GLOD4: variants seen among roughly 807,000 people sequenced by gnomAD.
GLOD4 encodes glyoxalase domain containing 4, also known as glyoxalase domain-containing protein 4.
In GLOD4, 44 loss-of-function variants were observed where a neutral mutation model predicts 39.1. That is an observed-to-expected ratio of 1.13 (90% CI 0.88 to 1.45). The LOEUF is 1.45. Among genes scored for constraint, GLOD4 ranks in the 40% most tolerant of loss-of-function variants. The probability of loss-of-function intolerance (pLI) is 0.00; values close to 1 mark genes in which losing one functional copy is unlikely to be tolerated. For synonymous variants in GLOD4, 145 were observed against 135.0 expected, an observed-to-expected ratio of 1.07 and a Z score of -0.52; for missense variants, 405 against 366.4, an observed-to-expected ratio of 1.11 and a Z score of -0.86.
upstream of GLOD4, chr17:782,797 G>A: frequency 3.2e-6 from 4 of 1,251,386 alleles, no homozygotes. Flanking sequence ...ACAGCCCGCT[G>A]GTTTTTGTAT....
At chr17:783,377 C>T, upstream of GLOD4, 2 of 1,523,156 alleles carry the variant, frequency 1.3e-6, no homozygotes, top group Non-Finnish European at 1.8e-6. Flanking sequence ...TGTTCTGTCA[C>T]CCAGGCTGGA....
chr17:782,735 C>G (rs764279864), upstream of GLOD4: 4 of 1,550,328 alleles, frequency 2.6e-6, no homozygotes, highest in African/African-American at 1.4e-5. Context: ...CGTTTCCCTT[C>G]CCGTCGCACA....
At chr17:774,797 G>A (rs966707246) in intron 4 of GLOD4, among the ~76,000 whole-genome samples, 5 of 152,172 alleles carry the variant, frequency 3.3e-5, no homozygotes, top group African/African-American at 1.2e-4. Flanking sequence ...GGCCGGGCAC[G>A]GTGGTTCACG....
intron 8 of GLOD4, among the ~76,000 whole-genome samples, chr17:767,887 G>A (rs1295564399): frequency 1.2e-4 from 17 of 137,080 alleles, no homozygotes; most frequent in Non-Finnish European, 1.8e-4. Context: ...TGGAGAGGAC[G>A]TAAGAGAGAG....
At position 771,374 on chromosome 17, in the gene GLOD4, T is replaced by A. The variant is rs199536427; in HGVS notation, c.494A>T (p.Glu165Val). Residue 165 changes from glutamate to valine, a missense_variant, in exon 5 of 9, where the codon GAA becomes GTA. Transcript: ENST00000301329. The part of the protein sequence containing the change: ...WCNLLGMKIY[E>V]KDEEKQRALL... ...AGCCCTTTGCTTTTCTTCATCTTTTTCATAAATTTTCATTCCCAGTAGATT... is the reference window on the plus strand; with the variant it reads ...AGCCCTTTGCTTTTCTTCATCTTTTACATAAATTTTCATTCCCAGTAGATT... 1 of 1,599,138 alleles carries A rather than the reference T, an allele frequency of 6.3e-7. No individual in the cohort carries two copies. The highest frequency in any genetic ancestry group is 1.3e-5 in the African/African-American group (1 of 74,640).
rs1905121033 is a variant in GLOD4 at position 759,345 on chromosome 17, A to G, written c.*828T>C. 6.6e-6 allele frequency: 1 copy of G among 152,226 alleles called. No homozygotes were observed. Among genetic ancestry groups the G allele is most frequent in the African/African-American group, 2.4e-5 (1 of 41,448 alleles). 9.4% of individuals were successfully genotyped at this position (152,226 alleles called of 1,614,324 possible). A position where few individuals can be genotyped will look rare whatever the true frequency, so the allele number is the denominator to read the frequency against. On this transcript the variant is annotated 3_prime_UTR_variant, in exon 9 of 9. Coordinates refer to ENST00000301329, the MANE Select transcript of GLOD4 (RefSeq NM_016080.4). Reference sequence around the variant, plus strand: ...TTTCAGAAGCTTACTTTCAAAAAAAATTTATTCAATGAATACACAATATAA... The same window carrying G: ...TTTCAGAAGCTTACTTTCAAAAAAAGTTTATTCAATGAATACACAATATAA...
intron 4 of GLOD4, among the ~76,000 whole-genome samples, chr17:772,008 T>A (rs1194046098): frequency 3.8e-5 from 4 of 104,946 alleles, no homozygotes; most frequent in East Asian, 5.5e-4. Flanking sequence ...AGCAAAACTC[T>A]GTCTCAAAAA....
chr17:781,818 A>C, intron 1 of GLOD4: 1 of 256,284 alleles, frequency 3.9e-6, no homozygotes, highest in East Asian at 8.1e-5. Flanking sequence ...CCAAACCGGA[A>C]AACACAAATA....
chr17:780,033 G>A (rs1567796191), intron 1 of GLOD4, among the ~76,000 whole-genome samples: 1 of 152,116 alleles, frequency 6.6e-6, no homozygotes, highest in Non-Finnish European at 1.5e-5. Context: ...GCGTGGTGGC[G>A]GGCGCCTGTA....
chr17:778,571 T>A (rs958320089), intron 2 of GLOD4, 124 bp downstream of exon 2: 4 of 735,108 alleles, frequency 5.4e-6, no homozygotes, highest in African/African-American at 3.5e-5. Context: ...CTCCTGAAGT[T>A]GCCTCCCTAA....
At chr17:783,017 C>G, upstream of GLOD4, 3 of 1,544,710 alleles carry the variant, frequency 1.9e-6, no homozygotes, top group South Asian at 2.5e-5. Context: ...TCTGTTACAA[C>G]TAAGCGTGTC....
intron 4 of GLOD4, among the ~76,000 whole-genome samples, chr17:773,769 C>G (rs1290377357): frequency 6.6e-6 from 1 of 152,174 alleles, no homozygotes; most frequent in Non-Finnish European, 1.5e-5. Flanking sequence ...AGTGCCTCCG[C>G]CTGGCAGGCT....
rs111686750 is a variant in GLOD4 at position 773,823 on chromosome 17, T to C, written c.406+1952A>G. ...TTACTTCAAAATCAACAAATCCCAG[T>C]TGACTTGGAGCCTGAAGGGACGCAG... On this transcript the variant is annotated intron_variant, in intron 4 of 8. Transcript: ENST00000301329. Among the ~76,000 whole-genome samples the C allele has an allele frequency of 1.4e-3, 219 of 152,266 alleles. 1 individual carries two copies. The highest frequency in any genetic ancestry group is 4.8e-3 in the African/African-American group (200 of 41,552).
upstream of GLOD4, among the ~76,000 whole-genome samples, chr17:784,330 G>T (rs2144517523): frequency 6.6e-6 from 1 of 152,264 alleles, no homozygotes; most frequent in Admixed American, 6.5e-5. Context: ...CCTAGGATGG[G>T]GACTTGGATT....
At chr17:783,181 G>A (rs1481715600), upstream of GLOD4, 3 of 1,614,094 alleles carry the variant, frequency 1.9e-6, no homozygotes, top group South Asian at 3.3e-5. Flanking sequence ...CTCAAGGCTG[G>A]AGCTGTGCCA....
In GLOD4 at chr17:775,784, G is replaced by A. The variant is rs766612407; in HGVS notation, c.397C>T (p.Pro133Ser). ...YKFYLQNRSL[P>S]QSDPVLKVTL... ...GTTCTGGTATAATTACCTGACTGAGGCAGACTGCGATTCTGCAAATAGAAC... is the reference window on the plus strand; with the variant it reads ...GTTCTGGTATAATTACCTGACTGAGACAGACTGCGATTCTGCAAATAGAAC... The change falls in exon 4 of 9, where the codon CCT becomes TCT. Residue 133 changes from proline (P) to serine (S), a missense_variant. Coordinates refer to ENST00000301329, the MANE Select transcript of GLOD4 (RefSeq NM_016080.4). 11 of 1,613,630 alleles carry A rather than the reference G, an allele frequency of 6.8e-6. No homozygotes were observed. In the Admixed American group the frequency reaches 1.8e-4, roughly 27 times the overall value.
chr17:785,205 C>T (rs1251458113), upstream of GLOD4, among the ~76,000 whole-genome samples: 1 of 152,084 alleles, frequency 6.6e-6, no homozygotes, highest in Non-Finnish European at 1.5e-5. Flanking sequence ...ATCACCTCTA[C>T]CAGTAAACAT....
At chr17:772,176 G>A (rs1469510077) in intron 4 of GLOD4, among the ~76,000 whole-genome samples, 1 of 106,968 alleles carries the variant, frequency 9.3e-6, no homozygotes, top group Non-Finnish European at 1.7e-5. Flanking sequence ...GTGACAGTGA[G>A]ACCCTATCTC....
chr17:770,338 A>G (rs1171022616), intron 6 of GLOD4, 83 bp downstream of exon 6: 1 of 810,030 alleles, frequency 1.2e-6, no homozygotes, highest in African/African-American at 1.7e-5. Context: ...ATCAAAAAGG[A>G]CCTCAAGAAG....
Sources: allele counts gnomAD v4.1 joint callset (sites outside exome capture counted in the v4.1 genomes callset), GRCh38; gene constraint gnomAD v4.1.1; transcripts MANE v1.5; gene names NCBI Gene and HGNC (gene_info 2026-07-23, HGNC 2026-07-21).